Variants in PRKD1 observed in about 807,000 individuals in gnomAD.
PRKD1 encodes protein kinase D1, also known as serine/threonine-protein kinase D1.
A neutral mutation model predicts 95.9 loss-of-function variants in PRKD1; 63 were observed. That is an observed-to-expected ratio of 0.66 (90% confidence interval 0.54 to 0.81). The LOEUF (loss-of-function observed/expected upper bound fraction) is 0.81. Among genes scored for constraint, PRKD1 ranks in the 30% least tolerant of loss-of-function variants. The pLI is 0.00. For synonymous variants in PRKD1, 425 were observed against 423.1 expected (o/e 1.00, Z -0.05); for missense variants, 1,048 against 1,165.3 (o/e 0.90, Z 1.47).
At chr14:29,896,013 G>A (rs1894111800) in intron 1 of PRKD1, among the ~76,000 whole-genome samples, 3 of 152,154 alleles carry the variant, frequency 2.0e-5, no homozygotes, top group Admixed American at 1.3e-4. Flanking sequence ...CAAGAGAGCA[G>A]GGATTTTGTC....
chr14:29,720,873 T>C (rs1885859986), intron 2 of PRKD1, among the ~76,000 whole-genome samples: 1 of 152,288 alleles, frequency 6.6e-6, no homozygotes, highest in South Asian at 2.1e-4. Flanking sequence ...TGATACTACC[T>C]TCCTGAGAAA....
At chr14:29,797,314 C>A (rs1594527911) in intron 1 of PRKD1, among the ~76,000 whole-genome samples, 1 of 152,104 alleles carries the variant, frequency 6.6e-6, no homozygotes, top group Non-Finnish European at 1.5e-5. Flanking sequence ...GGATTAAAAT[C>A]TCTTTGGTAA....
intron 2 of PRKD1, among the ~76,000 whole-genome samples, chr14:29,684,021 G>A (rs147315060): frequency 3.9e-5 from 6 of 152,258 alleles, no homozygotes; most frequent in South Asian, 2.1e-4. Context: ...TCTTAATGCC[G>A]TGGGATTTCC....
intron 2 of PRKD1, among the ~76,000 whole-genome samples, chr14:29,700,051 A>G (rs1235924786): frequency 6.6e-6 from 1 of 151,842 alleles, no homozygotes; most frequent in African/African-American, 2.4e-5. Context: ...AGGTTCAAAA[A>G]TTATCAAGAT....
At chr14:29,599,949 C>T in intron 13 of PRKD1, 132 bp from the exon 14 acceptor site, 1 of 653,092 alleles carries the variant, frequency 1.5e-6, no homozygotes, top group Non-Finnish European at 2.4e-6. Flanking sequence ...AACACCTCTA[C>T]ATTCCACATG....
At chr14:29,608,881 T>C (rs1485728867) in intron 13 of PRKD1, among the ~76,000 whole-genome samples, 1 of 152,168 alleles carries the variant, frequency 6.6e-6, no homozygotes, top group Non-Finnish European at 1.5e-5. Flanking sequence ...CTTTTGGGGG[T>C]ACCATGTTTT....
chr14:29,588,939 G>A (rs1893030402), intron 16 of PRKD1, among the ~76,000 whole-genome samples: 1 of 151,882 alleles, frequency 6.6e-6, no homozygotes, highest in Admixed American at 6.6e-5. Context: ...AGGTGACTCG[G>A]GAATAGGTGC....
chr14:29,586,879 C>A (rs186638887), intron 16 of PRKD1, among the ~76,000 whole-genome samples: 149 of 152,254 alleles, frequency 9.8e-4, no homozygotes, highest in Non-Finnish European at 1.9e-3. Context: ...CCCACCCTGG[C>A]CTCCCAAAGT....
chr14:29,615,618 A>G (rs1166108264), intron 13 of PRKD1, among the ~76,000 whole-genome samples: 1 of 152,146 alleles, frequency 6.6e-6, no homozygotes, highest in Non-Finnish European at 1.5e-5. Context: ...GTGGTAATCC[A>G]TGACTTCCTC....
chr14:29,751,468 T>C (rs1887477080), intron 1 of PRKD1, among the ~76,000 whole-genome samples: 1 of 152,152 alleles, frequency 6.6e-6, no homozygotes, highest in South Asian at 2.1e-4. Flanking sequence ...ACATGATGTC[T>C]AGATGTTGGC....
intron 1 of PRKD1, among the ~76,000 whole-genome samples, chr14:29,901,473 C>T (rs1277216307): frequency 6.6e-6 from 1 of 152,150 alleles, no homozygotes; most frequent in Non-Finnish European, 1.5e-5. Flanking sequence ...TGCACATGTA[C>T]TCCTTAATCT....
At chr14:29,706,344 C>A (rs1256101246) in intron 2 of PRKD1, among the ~76,000 whole-genome samples, 1 of 152,034 alleles carries the variant, frequency 6.6e-6, no homozygotes, top group Non-Finnish European at 1.5e-5. Context: ...AATCCATATG[C>A]GTTATTCTTG....
intron 1 of PRKD1, among the ~76,000 whole-genome samples, chr14:29,832,964 T>C (rs1194526977): frequency 6.6e-6 from 1 of 152,068 alleles, no homozygotes; most frequent in Non-Finnish European, 1.5e-5. Context: ...GTTTTTTTTA[T>C]TACCGAGGTA....
At chr14:29,908,353 A>G (rs193293639) in intron 1 of PRKD1, among the ~76,000 whole-genome samples, 1 of 152,228 alleles carries the variant, frequency 6.6e-6, no homozygotes, top group East Asian at 1.9e-4. Flanking sequence ...ATGGTGTGCA[A>G]TGGCATGATA....
intron 13 of PRKD1, among the ~76,000 whole-genome samples, chr14:29,600,141 A>G (rs183749821): frequency 4.5e-4 from 68 of 152,314 alleles, no homozygotes; most frequent in South Asian, 1.5e-3. Context: ...CCCAATATTA[A>G]ACATATTGTC....
At chr14:29,833,741 T>C (rs1891504245) in intron 1 of PRKD1, among the ~76,000 whole-genome samples, 1 of 152,060 alleles carries the variant, frequency 6.6e-6, no homozygotes, top group Non-Finnish European at 1.5e-5. Context: ...TCAAAATAAC[T>C]TTACTTTGGT....
At chr14:29,848,334 C>T (rs969189279) in intron 1 of PRKD1, among the ~76,000 whole-genome samples, 4 of 152,034 alleles carry the variant, frequency 2.6e-5, no homozygotes, top group Non-Finnish European at 4.4e-5. Context: ...AAGTGACGTC[C>T]AGAAGAATTA....
At chr14:29,618,781 GAA>G (rs34636619) in intron 13 of PRKD1, among the ~76,000 whole-genome samples, 1 of 145,494 alleles carries the variant, frequency 6.9e-6, no homozygotes, top group East Asian at 2.1e-4. Flanking sequence ...AAATGAAATG[GAA>G]AAAAAAAAAA....
At chr14:29,869,837 T>G (rs998256765) in intron 1 of PRKD1, among the ~76,000 whole-genome samples, 3 of 152,180 alleles carry the variant, frequency 2.0e-5, no homozygotes, top group Admixed American at 6.5e-5. Context: ...GTAGTCCATG[T>G]TCTTCCTCTT....
Sources: gnomAD v4.1 joint callset for allele counts (sites outside exome capture counted in the v4.1 genomes callset) on GRCh38, gnomAD v4.1.1 for gene constraint, MANE v1.5 for transcripts, NCBI Gene and HGNC (gene_info 2026-07-23, HGNC 2026-07-21) for gene names.